PPM1L: variants seen among roughly 807,000 people sequenced by gnomAD.
The protein encoded by PPM1L is protein phosphatase, Mg2+/Mn2+ dependent 1L, also known as protein phosphatase 1L.
In PPM1L, 13 loss-of-function variants were observed where a neutral mutation model predicts 31.4. The ratio of observed to expected loss-of-function variants is 0.41; its 90% CI spans 0.27 to 0.66. The LOEUF (loss-of-function observed/expected upper bound fraction) is 0.66. PPM1L is among the 30% of genes least tolerant of loss of function. PPM1L has a pLI of 0.29. For synonymous variants in PPM1L, 184 were observed against 175.4 expected (o/e 1.05, Z -0.39); for missense variants, 326 against 453.7 (o/e 0.72, Z 2.56).
intron 1 of PPM1L, among the ~76,000 whole-genome samples, chr3:160,833,218 T>C (rs564770936): frequency 6.6e-6 from 1 of 152,362 alleles, no homozygotes; most frequent in East Asian, 1.9e-4. Context: ...TGAATAGTGC[T>C]GCAATGAACA....
At chr3:160,989,046 G>A (rs1717049264) in intron 2 of PPM1L, among the ~76,000 whole-genome samples, 1 of 152,172 alleles carries the variant, frequency 6.6e-6, no homozygotes, top group Admixed American at 6.6e-5. Flanking sequence ...ACTCACTTCT[G>A]ATGTGAAAGG....
At position 161,076,393 on chromosome 3, in the gene PPM1L, T is replaced by G. The variant is rs1720099221; in HGVS notation, c.*7236T>G. 6.6e-6 allele frequency: 1 copy of G among 152,234 alleles called. No homozygotes were observed. Among genetic ancestry groups the G allele is most frequent in the Non-Finnish European group, 1.5e-5 (1 of 68,042 alleles). 9.4% of individuals were successfully genotyped at this position (152,234 alleles called of 1,614,324 possible). ...ACTACAACTAACAGTCTTTATGTAT[T>G]TATCATCTTGGTTATTGTTTTATCT... On this transcript the variant is annotated 3_prime_UTR_variant, in exon 4 of 4. Coordinates refer to ENST00000498165, the MANE Select transcript of PPM1L (RefSeq NM_139245.4).
intron 1 of PPM1L, among the ~76,000 whole-genome samples, chr3:160,913,535 T>C (rs540448189): frequency 6.6e-6 from 1 of 152,302 alleles, no homozygotes; most frequent in East Asian, 1.9e-4. Flanking sequence ...AAAATGTTTC[T>C]TGTGCCCCTT....
At chr3:160,950,587 G>A (rs1176586078) in intron 1 of PPM1L, among the ~76,000 whole-genome samples, 2 of 152,148 alleles carry the variant, frequency 1.3e-5, no homozygotes, top group African/African-American at 4.8e-5. Context: ...GGCCACACCT[G>A]CCTCCTGGAG....
At chr3:160,984,548 G>T (rs1003548888) in intron 2 of PPM1L, among the ~76,000 whole-genome samples, 1 of 152,164 alleles carries the variant, frequency 6.6e-6, no homozygotes, top group Admixed American at 6.5e-5. Flanking sequence ...GGGATTAAGA[G>T]ATTAAAGTAA....
At chr3:160,892,821 A>G (rs867216653) in intron 1 of PPM1L, among the ~76,000 whole-genome samples, 2 of 152,224 alleles carry the variant, frequency 1.3e-5, no homozygotes, top group Non-Finnish European at 2.9e-5. Flanking sequence ...AGATTTTACT[A>G]CTTGTTATCA....
chr3:161,068,278 G>A (rs1719800810), intron 3 of PPM1L, among the ~76,000 whole-genome samples: 1 of 152,186 alleles, frequency 6.6e-6, no homozygotes, highest in South Asian at 2.1e-4. Flanking sequence ...AAGAGACAGA[G>A]CCAGGAATCA....
intron 1 of PPM1L, among the ~76,000 whole-genome samples, chr3:160,903,208 T>TTGTGTGTGTGTGTGTG (rs59232471): frequency 5.7e-4 from 68 of 120,108 alleles, no homozygotes; most frequent in Middle Eastern, 4.2e-3. Flanking sequence ...GTGTGTATGT[T>TTGTGTGTGTGTGTGTG]TGTGTGTGTG....
At position 160,904,652 on chromosome 3, in the gene PPM1L, T is replaced by C. The variant is rs139696806; in HGVS notation, c.400-57084T>C. Among the ~76,000 whole-genome samples the C allele has an allele frequency of 4.2e-3, 639 of 152,098 alleles. 3 individuals are homozygous for C. Among genetic ancestry groups the C allele is most frequent in the Non-Finnish European group, 6.6e-3 (446 of 67,992 alleles). On this transcript the variant is annotated intron_variant, in intron 1 of 3. Transcript: ENST00000498165. ...AGTGCTACATTATTGATAGCTGCAC[T>C]TATAACTAGATCTTCTATCATGTTC...
chr3:160,763,022 C>T (rs1380630636), intron 1 of PPM1L, among the ~76,000 whole-genome samples: 2 of 152,112 alleles, frequency 1.3e-5, no homozygotes, highest in Non-Finnish European at 2.9e-5. Flanking sequence ...TGGCCTTTAA[C>T]CTGCTGAGAT....
chr3:160,835,149 CT>C (rs374361985), intron 1 of PPM1L, among the ~76,000 whole-genome samples: 1,263 of 50,634 alleles, frequency 0.025, 42 homozygotes, highest in African/African-American at 0.074. Flanking sequence ...CTTTTTCTTC[CT>C]TTTTTTTTTT....
intron 1 of PPM1L, among the ~76,000 whole-genome samples, chr3:160,775,284 G>T (rs1329380339): frequency 2.0e-5 from 3 of 152,142 alleles, no homozygotes; most frequent in Admixed American, 2.0e-4. Flanking sequence ...CCTTTGCTGT[G>T]TGCCAATAGG....
At chr3:160,786,197 A>ATG (rs1711924563) in intron 1 of PPM1L, among the ~76,000 whole-genome samples, 1 of 69,044 alleles carries the variant, frequency 1.4e-5, no homozygotes, top group East Asian at 4.2e-4. Context: ...GTATATATAT[A>ATG]TATATATATA....
At chr3:160,874,948 GACT>G (rs1712455052) in intron 1 of PPM1L, among the ~76,000 whole-genome samples, 1 of 152,206 alleles carries the variant, frequency 6.6e-6, no homozygotes, top group African/African-American at 2.4e-5. Flanking sequence ...GCTGTCCCAT[GACT>G]TCTCAGCCCC....
At chr3:160,836,226 A>G (rs768045672) in intron 1 of PPM1L, among the ~76,000 whole-genome samples, 3 of 152,060 alleles carry the variant, frequency 2.0e-5, no homozygotes, top group Admixed American at 6.6e-5. Context: ...TTGGAAGGAA[A>G]GGAAGAGAGA....
intron 2 of PPM1L, among the ~76,000 whole-genome samples, chr3:160,990,076 C>G (rs1576765738): frequency 6.6e-6 from 1 of 152,108 alleles, no homozygotes; most frequent in Non-Finnish European, 1.5e-5. Context: ...CTCACTGCAG[C>G]CTCAACCTCC....
intron 2 of PPM1L, among the ~76,000 whole-genome samples, chr3:160,992,231 T>TGCTTCCAG (rs1419035825): frequency 3.3e-5 from 5 of 152,218 alleles, no homozygotes; most frequent in Non-Finnish European, 7.3e-5. Context: ...AATACCATAC[T>TGCTTCCAG]GCTTCCAGTT....
chr3:160,759,221 A>G (rs926568008), intron 1 of PPM1L, among the ~76,000 whole-genome samples: 4 of 152,134 alleles, frequency 2.6e-5, no homozygotes, highest in African/African-American at 9.7e-5. Flanking sequence ...TCTATTATTT[A>G]TGTATATTCT....
chr3:160,903,196 A>G (rs59061198), intron 1 of PPM1L, among the ~76,000 whole-genome samples: 4,555 of 47,870 alleles, frequency 0.095, 83 homozygotes, highest in Middle Eastern at 0.12. Context: ...TGTGTGTGGT[A>G]TGTGTGTATG....
Sources: gnomAD v4.1 joint callset for allele counts (sites outside exome capture counted in the v4.1 genomes callset) on GRCh38, gnomAD v4.1.1 for gene constraint, MANE v1.5 for transcripts, NCBI Gene and HGNC (gene_info 2026-07-23, HGNC 2026-07-21) for gene names.